PARP1: variants seen among roughly 807,000 people sequenced by gnomAD.
PARP1 encodes poly(ADP-ribose) polymerase 1.
Under a neutral mutation model 118.7 loss-of-function variants are expected in PARP1, and 44 were observed. The observed-to-expected ratio is 0.37, with a 90% CI of 0.29 to 0.48. The LOEUF is 0.48. PARP1 is among the 20% of genes least tolerant of loss of function. The probability of loss-of-function intolerance (pLI) is 0.99; values close to 1 mark genes in which losing one functional copy is unlikely to be tolerated. For synonymous variants in PARP1, 492 were observed against 483.2 expected (o/e 1.02, Z -0.24); for missense variants, 1,100 against 1,272.4 (o/e 0.86, Z 2.06).
chr1:226,382,963 C>A, intron 8 of PARP1, 73 bp downstream of exon 8: 2 of 1,525,246 alleles, frequency 1.3e-6, no homozygotes, highest in Non-Finnish European at 1.8e-6. Flanking sequence ...TTCACCAGCT[C>A]CACACCACCA....
intron 12 of PARP1, among the ~76,000 whole-genome samples, chr1:226,377,655 G>A (rs1244029023): frequency 6.6e-6 from 1 of 152,114 alleles, no homozygotes; most frequent in Non-Finnish European, 1.5e-5. Context: ...ATGTGTTCAA[G>A]GAGTCAACCC....
chr1:226,371,890 C>T (rs1440064798), intron 14 of PARP1, among the ~76,000 whole-genome samples: 1 of 152,250 alleles, frequency 6.6e-6, no homozygotes, highest in African/African-American at 2.4e-5. Context: ...GAGGTGGGCT[C>T]CATCCACACA....
intron 16 of PARP1, 87 bp downstream of exon 16, chr1:226,368,112 T>C: frequency 1.3e-6 from 2 of 1,571,184 alleles, no homozygotes; most frequent in Non-Finnish European, 1.7e-6. Flanking sequence ...GGTGCTGCCC[T>C]CAGGGATCAT....
chr1:226,373,683 C>T (rs766821307), intron 14 of PARP1, among the ~76,000 whole-genome samples: 16 of 152,138 alleles, frequency 1.1e-4, no homozygotes, highest in Non-Finnish European at 1.9e-4. Flanking sequence ...TTTTATCTTA[C>T]GAATCAAGCG....
chr1:226,377,234 C>T lies in PARP1; in HGVS notation c.1815G>A (p.Pro605=), dbSNP rs779714592. The change falls in exon 13 of 23, where the codon CCG becomes CCA. Residue 605 remains proline, a synonymous_variant. Coordinates refer to ENST00000366794, the MANE Select transcript of PARP1 (RefSeq NM_001618.4). ...AGTGCTCAATGGCATCCTCCTTGGA[C>T]GGCATCTGTTCCAGTTTGTTGCTAC... The part of the protein sequence containing the change: ...VIGSNKLEQM[P]SKEDAIEHFM... 33 of 1,613,850 alleles carry T rather than the reference C, an allele frequency of 2.0e-5. No individual in the cohort carries two copies. Among genetic ancestry groups the T allele is most frequent in the Middle Eastern group, 1.6e-4 (1 of 6,082 alleles).
chr1:226,378,094 T>C (rs1055822244), intron 12 of PARP1, among the ~76,000 whole-genome samples: 1 of 152,110 alleles, frequency 6.6e-6, no homozygotes, highest in Non-Finnish European at 1.5e-5. Flanking sequence ...AGCACTACCT[T>C]GATCTACGTT....
In PARP1 at chr1:226,392,772, T is replaced by G. The variant is rs986909661; in HGVS notation, c.287-458A>C. The G allele has an allele frequency of 4.4e-5, 27 of 608,580 alleles. No homozygotes were observed. In the African/African-American group the frequency reaches 4.9e-4, roughly 11 times the overall value. 37.7% of individuals were successfully genotyped at this position (608,580 alleles called of 1,614,324 possible). A position where few individuals can be genotyped will look rare whatever the true frequency, so the allele number is the denominator to read the frequency against. ...CACAAGTATATGTAAGAATTAAATA[T>G]GTACTAAAGGTATCATTTCAAATTA... On this transcript the variant is annotated intron_variant, in intron 2 of 22. Transcript: ENST00000366794.
In PARP1 at chr1:226,368,268, A is replaced by T. The variant is rs376201473; in HGVS notation, c.2208T>A (p.Phe736Leu). The T allele has an allele frequency of 6.2e-7, 1 of 1,614,066 alleles. No individual in the cohort carries two copies. The highest frequency in any genetic ancestry group is 8.5e-7 in the Non-Finnish European group (1 of 1,180,034). Residue 736 changes from phenylalanine to leucine, a missense_variant, in exon 16 of 23, where the codon TTT becomes TTA. This residue lies in a region of PARP1 where 948 missense variants were observed against 1,031.8 expected (regional missense o/e 0.92). Coordinates refer to ENST00000366794, the MANE Select transcript of PARP1 (RefSeq NM_001618.4). ...DSQILDLSNR[F>L]YTLIPHDFGM... The stretch of plus-strand genomic sequence containing the variant: ...CAAAGTCGTGGGGGATCAGGGTGTA[A>T]AAGCGATTTGAGAGATCCAGGATCT...
At chr1:226,380,968 G>C (rs1664592686) in intron 9 of PARP1, 100 bp downstream of exon 9, 6 of 1,365,250 alleles carry the variant, frequency 4.4e-6, no homozygotes, top group African/African-American at 1.4e-5. Context: ...TTAAGATCCA[G>C]TTTTTCAGCG....
At position 226,392,163 on chromosome 1, in the gene PARP1, C is replaced by G. The variant is rs745528283; in HGVS notation, c.402+36G>C. ...GCCAATAACATCATTGCAAGCAATC[C>G]ATAAAGTTCAGGGATCTGGGCCCCC... is the stretch of plus-strand genomic sequence containing the variant. On this transcript the variant is annotated intron_variant, in intron 3 of 22. Coordinates refer to ENST00000366794, the MANE Select transcript of PARP1 (RefSeq NM_001618.4). 6.0e-6 allele frequency: 8 copies of G among 1,328,130 alleles called. No homozygotes were observed. In the East Asian group the frequency reaches 1.8e-4, roughly 30 times the overall value. The allele number at this position is 1,328,130 out of a possible 1,614,324, so 82.3% of individuals were successfully genotyped here. A position where few individuals can be genotyped will look rare whatever the true frequency, so the allele number is the denominator to read the frequency against.
intron 1 of PARP1, among the ~76,000 whole-genome samples, chr1:226,406,370 T>TA (rs1665147522): frequency 6.6e-6 from 1 of 152,260 alleles, no homozygotes; most frequent in African/African-American, 2.4e-5. Context: ...GAGAACTTCA[T>TA]AACAGGCTGC....
At chr1:226,375,747 T>C (rs771846441) in intron 13 of PARP1, among the ~76,000 whole-genome samples, 19 of 152,224 alleles carry the variant, frequency 1.2e-4, no homozygotes, top group Non-Finnish European at 2.6e-4. Context: ...AATGTGGCTA[T>C]AAAAAACTTT....
At chr1:226,367,123 A>G (rs1024602846) in intron 17 of PARP1, 52 of 349,308 alleles carry the variant, frequency 1.5e-4, no homozygotes, top group African/African-American at 1.1e-3. Flanking sequence ...AGTTCACGCT[A>G]CAAGGGTTTA....
At chr1:226,370,833 T>G (rs530483020) in intron 14 of PARP1, 1 of 386,320 alleles carries the variant, frequency 2.6e-6, no homozygotes, top group South Asian at 2.4e-5. Context: ...CATCCAATTC[T>G]GATGTGCAGA....
chr1:226,383,139 T>C lies in PARP1; in HGVS notation c.1056A>G (p.Lys352=), dbSNP rs1805415. Residue 352 remains lysine (K), a synonymous_variant, in exon 8 of 23, where the codon AAA becomes AAG. Transcript: ENST00000366794. ...TTTCTGGGGGGAATATACGGTCCTG[T>C]TTTTTAACCTTCAATTTCTTGAGGT... ...ISYLKKLKVK[K]QDRIFPPETS... 0.83 allele frequency: 1,337,229 copies of C among 1,612,388 alleles called. 558,644 individuals carry two copies. The highest frequency in any genetic ancestry group is 0.89 in the African/African-American group (67,121 of 75,002).
At chr1:226,387,025 C>G (rs1664729338) in intron 5 of PARP1, among the ~76,000 whole-genome samples, 1 of 152,180 alleles carries the variant, frequency 6.6e-6, no homozygotes, top group Non-Finnish European at 1.5e-5. Flanking sequence ...CTCTGTTGCC[C>G]AGACTGGAGT....
chr1:226,368,117 G>T, intron 16 of PARP1, 82 bp downstream of exon 16: 1 of 1,576,428 alleles, frequency 6.3e-7, no homozygotes, highest in Non-Finnish European at 8.7e-7. Flanking sequence ...TGCCCTCAGG[G>T]ATCATGATGG....
rs764841681 is a variant in PARP1 at position 226,370,477 on chromosome 1, C to T, written c.2111G>A (p.Arg704Lys). 3.0e-5 allele frequency: 48 copies of T among 1,613,972 alleles called. No homozygotes were observed. Among genetic ancestry groups the T allele is most frequent in the Non-Finnish European group, 4.1e-5 (48 of 1,180,040 alleles). ...GATGGAGTATGCGGCCTGGATCTGC[C>T]TTTTGCTCAGCTTCCCCAAGGGCAT... ...QKMPLGKLSK[R>K]QIQAAYSILS... Residue 704 changes from arginine (R) to lysine (K), a missense_variant, in exon 15 of 23, where the codon AGG (arginine) becomes AAG (lysine). Physicochemically the swap from Arg to Lys is conservative, Grantham distance 26. Around this residue, in one of 2 missense-constraint regions of PARP1, gnomAD observed 948 missense variants for 1,031.8 expected, o/e 0.92. Transcript: ENST00000366794.
rs2271348 is a variant in PARP1 at position 226,366,175 on chromosome 1, C to T, written c.2407-123G>A. On this transcript the variant is annotated intron_variant, in intron 17 of 22. Coordinates refer to ENST00000366794, the MANE Select transcript of PARP1 (RefSeq NM_001618.4). Reference sequence around the variant, plus strand: ...CTCCTCAAAGGAAGCCGGGCATGACCGAGAGCCTGTGTCCCAGGCCTGTGG... The same window carrying T: ...CTCCTCAAAGGAAGCCGGGCATGACTGAGAGCCTGTGTCCCAGGCCTGTGG... The T allele has an allele frequency of 1.4e-4, 99 of 726,892 alleles. No individual in the cohort carries two copies. The East Asian group carries it at 1.8e-3, about 13-fold the overall frequency. The allele number at this position is 726,892 out of a possible 1,614,324, so 45.0% of individuals were successfully genotyped here. A position where few individuals can be genotyped will look rare whatever the true frequency, so the allele number is the denominator to read the frequency against.
Sources: gnomAD v4.1 joint callset for allele counts (sites outside exome capture counted in the v4.1 genomes callset) on GRCh38, gnomAD v4.1.1 for gene constraint, gnomAD v4.1.1 regional missense constraint, MANE v1.5 for transcripts, NCBI Gene and HGNC (gene_info 2026-07-23, HGNC 2026-07-21) for gene names.